The following RAB3GAP1 variants were observed in gnomAD, a reference collection of about 807,000 sequenced individuals.
The protein encoded by RAB3GAP1 is RAB3 GTPase activating protein catalytic subunit 1.
A neutral mutation model predicts 130.7 loss-of-function variants in RAB3GAP1; 86 were observed. That is an observed-to-expected ratio of 0.66 (90% CI 0.55 to 0.79). The LOEUF is 0.79. Among genes scored for constraint, RAB3GAP1 ranks in the 30% least tolerant of loss-of-function variants. The pLI is 0.00. For missense variants in RAB3GAP1, 1,029 were observed against 1,169.4 expected (o/e 0.88, Z 1.75); for synonymous variants, 367 against 401.7 (o/e 0.91, Z 1.03).
At chr2:135,103,726 G>GT (rs1690516233) in intron 5 of RAB3GAP1, among the ~76,000 whole-genome samples, 1 of 152,060 alleles carries the variant, frequency 6.6e-6, no homozygotes, top group Non-Finnish European at 1.5e-5. Context: ...TTCTTTGTTG[G>GT]CGGGGGAGGG....
intron 11 of RAB3GAP1, among the ~76,000 whole-genome samples, chr2:135,129,460 A>T (rs141276890): frequency 0.045 from 6,778 of 151,562 alleles, 174 homozygotes; most frequent in African/African-American, 0.064. Context: ...TCAAAAAAAA[A>T]AAAATAAAAT....
At chr2:135,092,361 A>G (rs1256375122) in intron 4 of RAB3GAP1, among the ~76,000 whole-genome samples, 2 of 152,218 alleles carry the variant, frequency 1.3e-5, no homozygotes, top group Non-Finnish European at 1.5e-5. Context: ...AAGCTGCTGT[A>G]GTAAAGAGGC....
intron 9 of RAB3GAP1, among the ~76,000 whole-genome samples, chr2:135,124,774 A>T (rs369311337): frequency 6.6e-6 from 1 of 152,314 alleles, no homozygotes; most frequent in South Asian, 2.1e-4. Flanking sequence ...TCCTTTGCCA[A>T]ATCTGGCCAT....
At chr2:135,140,767 T>C (rs551754092) in intron 17 of RAB3GAP1, among the ~76,000 whole-genome samples, 73 of 152,282 alleles carry the variant, frequency 4.8e-4, no homozygotes, top group African/African-American at 1.7e-3. Context: ...ATAAAGAAAG[T>C]AGGTGTTTAG....
rs1275973560 is a variant in RAB3GAP1 at position 135,169,028 on chromosome 2, G to A, written c.*247G>A. On this transcript the variant is annotated 3_prime_UTR_variant, in exon 24 of 24. Coordinates refer to ENST00000264158, the MANE Select transcript of RAB3GAP1 (RefSeq NM_012233.3). ...CCCTAGAGATGGCCTTTGTATATGG[G>A]GGGGTGGTGGGGGGACACAAACACA... The A allele has an allele frequency of 7.5e-6, 4 of 530,490 alleles. No individual in the cohort carries two copies. The highest frequency in any genetic ancestry group is 3.4e-5 in the East Asian group (1 of 29,792). 32.9% of individuals were successfully genotyped at this position (530,490 alleles called of 1,614,324 possible).
At chr2:135,090,059 A>C (rs2104874026) in intron 3 of RAB3GAP1, among the ~76,000 whole-genome samples, 1 of 152,322 alleles carries the variant, frequency 6.6e-6, no homozygotes, top group South Asian at 2.1e-4. Context: ...CATGTTCTGC[A>C]TGTGCATCCC....
At chr2:135,143,236 A>G (rs1691895853) in intron 17 of RAB3GAP1, among the ~76,000 whole-genome samples, 1 of 151,862 alleles carries the variant, frequency 6.6e-6, no homozygotes, top group South Asian at 2.1e-4. Context: ...AAATTATTTC[A>G]TAGTATTCTT....
intron 20 of RAB3GAP1, 29 bp downstream of exon 20, chr2:135,162,680 T>C: frequency 6.2e-7 from 1 of 1,605,364 alleles, no homozygotes; most frequent in South Asian, 1.1e-5. Flanking sequence ...TAGTCATTAG[T>C]CATTTCCAAA....
chr2:135,073,235 G>A lies in RAB3GAP1; in HGVS notation c.150+15149G>A, dbSNP rs74612771. ...ATTTTTTTCTTTTGGACAGAGAGAG[G>A]GAGTGCATTTGCCCCCATTACCCAG... On this transcript the variant is annotated intron_variant, in intron 3 of 23. Coordinates refer to ENST00000264158, the MANE Select transcript of RAB3GAP1 (RefSeq NM_012233.3). 1.0e-2 allele frequency among the ~76,000 whole-genome samples: 1,521 copies of A among 152,274 alleles called. 23 individuals are homozygous for A. Among genetic ancestry groups the A allele is most frequent in the African/African-American group, 0.035 (1,448 of 41,544 alleles).
chr2:135,175,321 T>C (rs1692977797), downstream of RAB3GAP1: 1 of 152,252 alleles, frequency 6.6e-6, no homozygotes. Context: ...TTTGTGTGTT[T>C]ATCAGCTCCC....
rs75809486 is a variant in RAB3GAP1 at position 135,142,297 on chromosome 2, T to C, written c.1923+6365T>C. On this transcript the variant is annotated intron_variant, in intron 17 of 23. Transcript: ENST00000264158. ...AAGGTATTTGTAATTTCTTAAATGGTTTTATAAATGGTATTTTAAAAGTTC... is the reference window on the plus strand; with the variant it reads ...AAGGTATTTGTAATTTCTTAAATGGCTTTATAAATGGTATTTTAAAAGTTC... 7.1e-3 allele frequency among the ~76,000 whole-genome samples: 1,076 copies of C among 152,276 alleles called. 12 individuals are homozygous for C. Among genetic ancestry groups the C allele is most frequent in the African/African-American group, 0.024 (1,006 of 41,558 alleles).
chr2:135,138,954 A>C (rs1241145591), intron 17 of RAB3GAP1, among the ~76,000 whole-genome samples: 1 of 152,064 alleles, frequency 6.6e-6, no homozygotes. Flanking sequence ...CAACCATATA[A>C]ATTTTTGTTA....
intron 8 of RAB3GAP1, 97 bp from the exon 9 acceptor site, chr2:135,124,068 C>G: frequency 8.5e-7 from 1 of 1,173,620 alleles, no homozygotes; most frequent in Middle Eastern, 2.2e-4. Context: ...TGTTCTCTTG[C>G]AGACACTTTT....
downstream of RAB3GAP1, among the ~76,000 whole-genome samples, chr2:135,174,275 C>A (rs1484706882): frequency 0.019 from 1 of 52 alleles, no homozygotes; most frequent in Non-Finnish European, 0.042. Flanking sequence ...CGACATGGCC[C>A]AGCCCTCAGG....
chr2:135,127,413 G>A (rs1043017281), intron 11 of RAB3GAP1, among the ~76,000 whole-genome samples: 28 of 151,700 alleles, frequency 1.8e-4, no homozygotes, highest in Non-Finnish European at 4.1e-4. Context: ...GCGCGATCTC[G>A]GCTCACTGTA....
intron 13 of RAB3GAP1, 85 bp downstream of exon 13, chr2:135,130,806 G>A: frequency 3.1e-6 from 4 of 1,290,298 alleles, no homozygotes; most frequent in Non-Finnish European, 3.3e-6. Flanking sequence ...GGTAGGCAGT[G>A]ACCTTGGAAT....
At chr2:135,068,345 C>CTA (rs1689379254) in intron 3 of RAB3GAP1, among the ~76,000 whole-genome samples, 2 of 151,632 alleles carry the variant, frequency 1.3e-5, no homozygotes, top group African/African-American at 4.9e-5. Flanking sequence ...AGCACAATAA[C>CTA]TAAATTTGTG....
Position 135,168,784 on chromosome 2 carries a change from C to A in RAB3GAP1, c.*3C>A. 6.2e-7 allele frequency: 1 copy of A among 1,606,848 alleles called. No individual in the cohort carries two copies. Reference sequence around the variant, plus strand: ...CATCAGATACTTCCTTCTTCTGATTCTTCTAGCATTACTCGTTGGTGGCTT... The same window carrying A: ...CATCAGATACTTCCTTCTTCTGATTATTCTAGCATTACTCGTTGGTGGCTT... On this transcript the variant is annotated 3_prime_UTR_variant, in exon 24 of 24. Transcript: ENST00000264158.
rs1336832158 is a variant in RAB3GAP1 at position 135,093,612 on chromosome 2, T to G, written c.284-3T>G. 1.2e-6 allele frequency: 2 copies of G among 1,610,112 alleles called. No homozygotes were observed. The highest frequency in any genetic ancestry group is 1.7e-6 in the Non-Finnish European group (2 of 1,176,420). The stretch of plus-strand genomic sequence containing the variant: ...ACTTTTTCATTATCAAATGTTTTTG[T>G]AGATGTTGTTCCACAATCTATGCAA... On this transcript the variant is annotated splice_region_variant and splice_polypyrimidine_tract_variant and intron_variant, in intron 4 of 23. Transcript: ENST00000264158.
Sources: gnomAD v4.1 joint callset for allele counts (sites outside exome capture counted in the v4.1 genomes callset) on GRCh38, gnomAD v4.1.1 for gene constraint, MANE v1.5 for transcripts, NCBI Gene and HGNC (gene_info 2026-07-23, HGNC 2026-07-21) for gene names.